FAM53A: variants seen among roughly 807,000 people sequenced by gnomAD.
FAM53A encodes protein FAM53A.
Under a neutral mutation model 26.6 loss-of-function variants are expected in FAM53A, and 28 were observed. The ratio of observed to expected loss-of-function variants is 1.05; its 90% CI spans 0.78 to 1.45. The LOEUF (loss-of-function observed/expected upper bound fraction) is 1.45, where lower values mean the gene tolerates loss of function less well. Ranked by LOEUF, FAM53A falls within the 40% of genes most tolerant of loss-of-function variation. The pLI is 0.00. For synonymous variants in FAM53A, 290 were observed against 253.1 expected (o/e 1.15, Z -1.38); for missense variants, 650 against 575.8 (o/e 1.13, Z -1.32).
chr4:1,680,728 G>A (rs547458888), intron 1 of FAM53A, among the ~76,000 whole-genome samples: 3 of 152,130 alleles, frequency 2.0e-5, no homozygotes, highest in East Asian at 3.9e-4. Context: ...AAACGGCTAC[G>A]TATTGTATAA....
intron 1 of FAM53A, among the ~76,000 whole-genome samples, chr4:1,624,742 C>T (rs1193159357): frequency 6.6e-6 from 1 of 152,256 alleles, no homozygotes; most frequent in East Asian, 1.9e-4. Flanking sequence ...TGCTGTGTTT[C>T]ACGCCAGATG....
intron 4 of FAM53A, among the ~76,000 whole-genome samples, chr4:1,654,573 G>A (rs540733204): frequency 1.8e-4 from 27 of 152,346 alleles, no homozygotes; most frequent in African/African-American, 4.8e-4. Flanking sequence ...GCTCTGCCTC[G>A]AATGGGGCTC....
chr4:1,682,323 C>T (rs570154783), intron 1 of FAM53A, among the ~76,000 whole-genome samples: 10 of 142,078 alleles, frequency 7.0e-5, no homozygotes, highest in African/African-American at 1.8e-4. Flanking sequence ...CGTGCAGTGG[C>T]GCCATCTTGG....
upstream of FAM53A, among the ~76,000 whole-genome samples, chr4:1,685,172 G>A (rs1715740503): frequency 6.6e-6 from 1 of 152,150 alleles, no homozygotes; most frequent in Non-Finnish European, 1.5e-5. Flanking sequence ...GATATCCGCC[G>A]ACTCTGGAGA....
chr4:1,656,094 C>T (rs139640750), intron 3 of FAM53A, among the ~76,000 whole-genome samples: 3 of 152,328 alleles, frequency 2.0e-5, no homozygotes, highest in East Asian at 3.9e-4. Context: ...CAAGGATGTG[C>T]GGCTACCCCG....
intron 4 of FAM53A, among the ~76,000 whole-genome samples, chr4:1,646,693 G>A (rs973637276): frequency 1.3e-5 from 2 of 152,122 alleles, no homozygotes; most frequent in African/African-American, 2.4e-5. Flanking sequence ...GTGTGAACAC[G>A]GCCACATGCA....
Position 1,626,299 on chromosome 4 carries a change from C to T in FAM53A, c.432-8188G>A, listed in dbSNP as rs552945916. On this transcript the variant is annotated intron_variant, in intron 1 of 1. Coordinates refer to the FAM53A transcript ENST00000489029. Reference sequence around the variant, plus strand: ...GAGCATGAACAGACGGTGGCCGTCACGAGCCGTCCACGTGGGCTTTCCTTC... The same window carrying T: ...GAGCATGAACAGACGGTGGCCGTCATGAGCCGTCCACGTGGGCTTTCCTTC... Among the ~76,000 whole-genome samples the T allele has an allele frequency of 9.9e-4, 151 of 152,316 alleles. 1 individual carries two copies. Among genetic ancestry groups the T allele is most frequent in the Non-Finnish European group, 1.6e-3 (111 of 68,024 alleles).
At chr4:1,580,408 A>G in the FAM53A span, among the ~76,000 whole-genome samples, 6 of 152,178 alleles carry the variant, frequency 3.9e-5, no homozygotes, top group African/African-American at 1.4e-4. Flanking sequence ...CAGGGATGTG[A>G]GGGCAGCTCA....
At chr4:1,631,530 T>A (rs1311302547) in intron 1 of FAM53A, among the ~76,000 whole-genome samples, 1 of 152,000 alleles carries the variant, frequency 6.6e-6, no homozygotes, top group Non-Finnish European at 1.5e-5. Context: ...CACACAGCAG[T>A]CCCAGGGAAA....
chr4:1,619,132 C>T (rs975903436), intron 1 of FAM53A, among the ~76,000 whole-genome samples: 5 of 152,194 alleles, frequency 3.3e-5, no homozygotes, highest in Non-Finnish European at 5.9e-5. Flanking sequence ...TCTGGGCCCA[C>T]GCTGCTCACC....
intron 4 of FAM53A, among the ~76,000 whole-genome samples, chr4:1,652,050 C>CCA (rs1001991782): frequency 3.6e-5 from 5 of 139,272 alleles, no homozygotes; most frequent in African/African-American, 1.3e-4. Context: ...ACACCACACA[C>CCA]GCCACACACA....
chr4:1,684,737 C>T (rs1262326944), upstream of FAM53A, among the ~76,000 whole-genome samples: 1 of 152,174 alleles, frequency 6.6e-6, no homozygotes, highest in Admixed American at 6.5e-5. Context: ...GCCGCCGCCG[C>T]CTTCCCGCCT....
chr4:1,638,659 G>T (rs1404762637), downstream of FAM53A, among the ~76,000 whole-genome samples: 1 of 152,196 alleles, frequency 6.6e-6, no homozygotes, highest in Non-Finnish European at 1.5e-5. Flanking sequence ...TCCGTCAAGG[G>T]AAGGGGAGTG....
the FAM53A span, among the ~76,000 whole-genome samples, chr4:1,578,765 G>A: frequency 7.4e-6 from 1 of 135,964 alleles, no homozygotes; most frequent in Non-Finnish European, 1.6e-5. Flanking sequence ...GGCAGGGAAG[G>A]GGCGGAGGAG....
At chr4:1,683,656 C>T (rs1479713049) in intron 1 of FAM53A, 2 of 152,194 alleles carry the variant, frequency 1.3e-5, no homozygotes, top group Non-Finnish European at 2.9e-5. Flanking sequence ...AACTTAGCTT[C>T]AAAGAAGAGG....
At position 1,655,032 on chromosome 4, in the gene FAM53A, A is replaced by G. The variant is rs766399118; in HGVS notation, c.828T>C (p.Arg276=). The change falls in exon 4 of 5, where the codon CGT becomes CGC. Residue 276 remains arginine (R), a synonymous_variant. Coordinates refer to ENST00000308132, the MANE Select transcript of FAM53A (RefSeq NM_001174070.3). The part of the protein sequence containing the change: ...SGKRSRRKRR[R]EEDARWTRPS... ...GGCGTGTCCACCTGGCGTCCTCCTC[A>G]CGCCTCCGTTTGCGCCGGCTCCTCT... 19 of 1,576,104 alleles carry G rather than the reference A, an allele frequency of 1.2e-5. No homozygotes were observed. Among genetic ancestry groups the G allele is most frequent in the Non-Finnish European group, 1.6e-5 (19 of 1,161,332 alleles).
At chr4:1,603,528 CG>C in the FAM53A span, among the ~76,000 whole-genome samples, 16 of 152,138 alleles carry the variant, frequency 1.1e-4, no homozygotes, top group Admixed American at 7.2e-4. Flanking sequence ...GGGTGGGGCC[CG>C]GCACCCCATC....
At chr4:1,658,300 G>A (rs1713566246) in intron 2 of FAM53A, among the ~76,000 whole-genome samples, 2 of 151,378 alleles carry the variant, frequency 1.3e-5, no homozygotes, top group African/African-American at 2.4e-5. Context: ...AATTACAGGT[G>A]TGAGCCACCA....
the FAM53A span, among the ~76,000 whole-genome samples, chr4:1,590,955 C>CATATATATATATATATAT: frequency 2.2e-5 from 1 of 46,306 alleles, no homozygotes; most frequent in Non-Finnish European, 4.7e-5. Context: ...TTATTTAATG[C>CATATATATATATATATAT]ATATATATAT....
Sources: gnomAD v4.1 joint callset for allele counts (sites outside exome capture counted in the v4.1 genomes callset) on GRCh38, gnomAD v4.1.1 for gene constraint, MANE v1.5 for transcripts, NCBI Gene and HGNC (gene_info 2026-07-23, HGNC 2026-07-21) for gene names.